CNTNAP5: variants seen among roughly 807,000 people sequenced by gnomAD.
The protein encoded by CNTNAP5 is contactin associated protein family member 5, also known as contactin-associated protein-like 5.
CNTNAP5 carries 72 observed loss-of-function variants against 150.2 expected under a neutral mutation model. That is an observed-to-expected ratio of 0.48 (90% CI 0.40 to 0.58). The LOEUF is 0.58. Among genes scored for constraint, CNTNAP5 ranks in the 20% least tolerant of loss-of-function variants. CNTNAP5 has a pLI of 0.00. For synonymous variants in CNTNAP5, 672 were observed against 619.8 expected, an observed-to-expected ratio of 1.08 and a Z score of -1.25; for missense variants, 1,636 against 1,626.2, an observed-to-expected ratio of 1.01 and a Z score of -0.10.
At chr2:124,052,669 CCT>C (rs1271252049) in intron 1 of CNTNAP5, among the ~76,000 whole-genome samples, 4 of 152,188 alleles carry the variant, frequency 2.6e-5, no homozygotes, top group African/African-American at 7.2e-5. Flanking sequence ...GCATCTTCCC[CCT>C]GAGTTCAGAA....
At chr2:124,510,486 T>TCTCC (rs1694555948) in intron 8 of CNTNAP5, among the ~76,000 whole-genome samples, 1 of 22,574 alleles carries the variant, frequency 4.4e-5, no homozygotes, top group Non-Finnish European at 9.5e-5. Context: ...TGTATATATA[T>TCTCC]ATATATATAT....
At chr2:124,239,866 G>C (rs574075155) in intron 2 of CNTNAP5, among the ~76,000 whole-genome samples, 1 of 152,062 alleles carries the variant, frequency 6.6e-6, no homozygotes, top group Non-Finnish European at 1.5e-5. Context: ...GAGGGGAATG[G>C]GAATTGTGAA....
intron 1 of CNTNAP5, among the ~76,000 whole-genome samples, chr2:124,040,846 A>G (rs181465967): frequency 6.6e-6 from 1 of 152,274 alleles, no homozygotes; most frequent in African/African-American, 2.4e-5. Flanking sequence ...CAACCTTAAA[A>G]TAAGGCATTT....
intron 1 of CNTNAP5, among the ~76,000 whole-genome samples, chr2:124,133,723 C>T (rs566781385): frequency 6.6e-6 from 1 of 152,228 alleles, no homozygotes; most frequent in South Asian, 2.1e-4. Context: ...CAGGGATCAG[C>T]TATCAGACCC....
At chr2:124,456,177 A>G (rs1239500588) in intron 6 of CNTNAP5, among the ~76,000 whole-genome samples, 1 of 152,192 alleles carries the variant, frequency 6.6e-6, no homozygotes, top group Non-Finnish European at 1.5e-5. Flanking sequence ...CTAAAGACTC[A>G]TTCAGAAGCT....
intron 4 of CNTNAP5, among the ~76,000 whole-genome samples, chr2:124,419,151 A>AAAAAAAAAAAAAAAAAAAAAAC (rs1324145179): frequency 7.1e-6 from 1 of 141,506 alleles, no homozygotes; most frequent in African/African-American, 2.6e-5. Flanking sequence ...AAAAAAAAAA[A>AAAAAAAAAAAAAAAAAAAAAAC]AAAAAAAAAA....
intron 3 of CNTNAP5, among the ~76,000 whole-genome samples, chr2:124,290,920 A>C (rs2104633714): frequency 7.3e-6 from 1 of 136,586 alleles, no homozygotes; most frequent in Non-Finnish European, 1.7e-5. Flanking sequence ...ATTTATTTTA[A>C]GCAGGGATAA....
intron 12 of CNTNAP5, among the ~76,000 whole-genome samples, chr2:124,638,246 C>G (rs576781568): frequency 3.5e-4 from 47 of 134,440 alleles, no homozygotes; most frequent in African/African-American, 1.1e-3. Flanking sequence ...TATGTAACTT[C>G]TCTCACAGTG....
At chr2:124,077,150 T>G (rs1682456490) in intron 1 of CNTNAP5, among the ~76,000 whole-genome samples, 1 of 152,140 alleles carries the variant, frequency 6.6e-6, no homozygotes, top group Non-Finnish European at 1.5e-5. Context: ...GATGATTGAT[T>G]GATTGAATGA....
Position 124,365,369 on chromosome 2 carries a change from C to A in CNTNAP5, c.382-52074C>A, listed in dbSNP as rs78429112. Among the ~76,000 whole-genome samples the A allele has an allele frequency of 6.0e-5, 9 of 151,202 alleles. No homozygotes were observed. In the East Asian group the frequency reaches 1.2e-3, roughly 20 times the overall value. The stretch of plus-strand genomic sequence containing the variant: ...GGATGTCAATGGGGAAGAATACTTG[C>A]GGGAATCTTTGCATATACTTTGCCA... On this transcript the variant is annotated intron_variant, in intron 3 of 23. Coordinates refer to ENST00000682447, the MANE Select transcript of CNTNAP5 (RefSeq NM_001367498.1).
intron 1 of CNTNAP5, among the ~76,000 whole-genome samples, chr2:124,035,985 C>A (rs1291999793): frequency 8.0e-6 from 1 of 125,232 alleles, no homozygotes; most frequent in Non-Finnish European, 1.6e-5. Context: ...ACTGCAGTGG[C>A]GCAATCTCGG....
At chr2:124,216,531 C>T (rs1243639916) in intron 1 of CNTNAP5, among the ~76,000 whole-genome samples, 1 of 151,910 alleles carries the variant, frequency 6.6e-6, no homozygotes, top group African/African-American at 2.4e-5. Context: ...TAATGCTATT[C>T]CTCCCACCTC....
chr2:124,841,880 A>G (rs1372850588), intron 19 of CNTNAP5, among the ~76,000 whole-genome samples: 1 of 152,150 alleles, frequency 6.6e-6, no homozygotes, highest in East Asian at 1.9e-4. Flanking sequence ...CAACCAGGTA[A>G]CAAACCACAA....
intron 2 of CNTNAP5, among the ~76,000 whole-genome samples, chr2:124,225,331 C>T (rs1030109252): frequency 2.6e-5 from 4 of 152,096 alleles, no homozygotes; most frequent in South Asian, 2.1e-4. Flanking sequence ...TGGCCATGCC[C>T]GGCTTTCACC....
chr2:124,721,549 T>A (rs1159884491), intron 13 of CNTNAP5, among the ~76,000 whole-genome samples: 2 of 141,506 alleles, frequency 1.4e-5, no homozygotes, highest in African/African-American at 2.7e-5. Context: ...AGAAAAAAAA[T>A]TAAATATAGG....
At position 124,897,175 on chromosome 2, in the gene CNTNAP5, A is replaced by G. The variant is rs931832532; in HGVS notation, c.3437-5707A>G. On this transcript the variant is annotated intron_variant, in intron 21 of 23. Coordinates refer to ENST00000682447, the MANE Select transcript of CNTNAP5 (RefSeq NM_001367498.1). ...ACACATCCCCAACCACACCCTCTGA[A>G]TGAGTAGGGAACCATAAATATACAT... Among the ~76,000 whole-genome samples the G allele has an allele frequency of 4.2e-4, 63 of 151,684 alleles. 1 individual carries two copies. Among genetic ancestry groups the G allele is most frequent in the Admixed American group, 2.1e-3 (32 of 15,266 alleles).
At chr2:124,263,321 AC>A (rs1687511800) in intron 3 of CNTNAP5, among the ~76,000 whole-genome samples, 1 of 152,070 alleles carries the variant, frequency 6.6e-6, no homozygotes, top group Admixed American at 6.6e-5. Context: ...TTGTTTCCTG[AC>A]TTTTTAATGA....
intron 3 of CNTNAP5, among the ~76,000 whole-genome samples, chr2:124,274,446 T>C (rs1352501693): frequency 6.6e-6 from 1 of 152,172 alleles, no homozygotes; most frequent in Non-Finnish European, 1.5e-5. Flanking sequence ...TCTTTTCCCA[T>C]TTTGTGTGGA....
At position 124,825,208 on chromosome 2, in the gene CNTNAP5, G is replaced by A. The variant is rs947018448; in HGVS notation, c.3217+26888G>A. Among the ~76,000 whole-genome samples the A allele has an allele frequency of 3.7e-4, 57 of 152,158 alleles. 2 individuals are homozygous for A. Among genetic ancestry groups the A allele is most frequent in the Non-Finnish European group, 1.6e-4 (11 of 68,030 alleles). ...TATTTTCTTGTATACAAGGCATAGT[G>A]TATGTATGCCTCTTACCTTTAATAA... On this transcript the variant is annotated intron_variant, in intron 19 of 23. Transcript: ENST00000682447.
Sources: gnomAD v4.1 joint callset for allele counts (sites outside exome capture counted in the v4.1 genomes callset) on GRCh38, gnomAD v4.1.1 for gene constraint, MANE v1.5 for transcripts, NCBI Gene and HGNC (gene_info 2026-07-23, HGNC 2026-07-21) for gene names.